ZNF644: variants seen among roughly 807,000 people sequenced by gnomAD.
ZNF644 encodes zinc finger protein 644.
In ZNF644, 20 loss-of-function variants were observed where a neutral mutation model predicts 108.0. The observed-to-expected ratio is 0.19, with a 90% confidence interval of 0.13 to 0.27. The LOEUF (loss-of-function observed/expected upper bound fraction) is 0.27. Among genes scored for constraint, ZNF644 ranks in the 10% least tolerant of loss-of-function variants. The pLI, the probability that ZNF644 is intolerant of heterozygous loss-of-function variation, is 1.00. For missense variants in ZNF644, 1,338 were observed against 1,548.9 expected (o/e 0.86, Z 2.29); for synonymous variants, 542 against 539.1 (o/e 1.01, Z -0.08).
At position 90,915,971 on chromosome 1, in the gene ZNF644, A is replaced by G. The variant is rs1648721778; in HGVS notation, c.*827T>C. The G allele has an allele frequency of 6.6e-6, 1 of 152,566 alleles. No individual in the cohort carries two copies. Among genetic ancestry groups the G allele is most frequent in the Non-Finnish European group, 1.5e-5 (1 of 68,000 alleles). The allele number at this position is 152,566 out of a possible 1,614,324, so 9.5% of individuals were successfully genotyped here. On this transcript the variant is annotated 3_prime_UTR_variant, in exon 6 of 6. Coordinates refer to ENST00000337393, the MANE Select transcript of ZNF644 (RefSeq NM_201269.3). ...TAGGTAAAACATTAAAAAGAAACAA[A>G]CCTGTTAACAAAAGAATGTCTTGCA...
At chr1:90,970,917 T>C (rs1655386650) in intron 2 of ZNF644, among the ~76,000 whole-genome samples, 2 of 150,366 alleles carry the variant, frequency 1.3e-5, no homozygotes, top group Admixed American at 1.3e-4. Flanking sequence ...GGAGAATCAC[T>C]TGAACCCGGG....
At chr1:90,930,802 C>T (rs934857488) in intron 4 of ZNF644, among the ~76,000 whole-genome samples, 1 of 152,142 alleles carries the variant, frequency 6.6e-6, no homozygotes. Context: ...TTCTTCTTTA[C>T]AAAAGATAAC....
At chr1:90,950,314 G>GGGGAGGGGAGGGGAC in intron 2 of ZNF644, among the ~76,000 whole-genome samples, 2 of 82,400 alleles carry the variant, frequency 2.4e-5, no homozygotes, top group Admixed American at 1.1e-4. Context: ...GGGGACAAAA[G>GGGGAGGGGAGGGGAC]AAAAGAAAAC....
In ZNF644 at chr1:90,938,239, T is replaced by G; in HGVS notation, c.3082+33A>C. The G allele has an allele frequency of 6.2e-7, 1 of 1,613,934 alleles. No individual in the cohort carries two copies. Among genetic ancestry groups the G allele is most frequent in the Non-Finnish European group, 8.5e-7 (1 of 1,179,820 alleles). On this transcript the variant is annotated intron_variant, in intron 3 of 5. Transcript: ENST00000337393. This position sits in a 1 kb window ranked among gnomAD's most constrained non-coding sequence, Gnocchi z 4.2. Reference sequence around the variant, plus strand: ...AATCTTCAGAATTAGAACACAGACCTATCAGCCCAAATCATCCCCATGGAG... The same window carrying G: ...AATCTTCAGAATTAGAACACAGACCGATCAGCCCAAATCATCCCCATGGAG...
In ZNF644 at chr1:91,007,219, C is replaced by CG. The variant is rs1557658445; in HGVS notation, c.-18+14770_-18+14771insC. Among the ~76,000 whole-genome samples, 5 of 114,248 alleles carry CG rather than the reference C, an allele frequency of 4.4e-5. 1 individual carries two copies. Among genetic ancestry groups the CG allele is most frequent in the Admixed American group, 9.1e-5 (1 of 11,028 alleles). The allele number at this position is 114,248 out of a possible 152,430, so 75.0% of individuals were successfully genotyped here. A position where few individuals can be genotyped will look rare whatever the true frequency, so the allele number is the denominator to read the frequency against. ...ATTCTTAATTTCTTCCATTTTCTCC[C>CG]ATTTTGTTTTTTTTTTTTTTTTTTT... On this transcript the variant is annotated intron_variant, in intron 1 of 5. Coordinates refer to ENST00000337393, the MANE Select transcript of ZNF644 (RefSeq NM_201269.3).
At chr1:90,936,182 T>A (rs1306956075) in intron 4 of ZNF644, among the ~76,000 whole-genome samples, 1 of 152,182 alleles carries the variant, frequency 6.6e-6, no homozygotes, top group Non-Finnish European at 1.5e-5. Context: ...ATCTTAGTCA[T>A]CACAGGAAAA....
At chr1:91,019,282 A>C (rs1365383843) in intron 1 of ZNF644, among the ~76,000 whole-genome samples, 1 of 152,238 alleles carries the variant, frequency 6.6e-6, no homozygotes, top group African/African-American at 2.4e-5. Flanking sequence ...ATCCAACCAA[A>C]ACACTATTAC....
At chr1:90,956,338 G>T (rs1304781920) in intron 2 of ZNF644, among the ~76,000 whole-genome samples, 2 of 152,156 alleles carry the variant, frequency 1.3e-5, no homozygotes, top group Non-Finnish European at 2.9e-5. Flanking sequence ...CTTGATGCAG[G>T]GTTGCTGCAA....
At chr1:90,988,298 T>C (rs1284964850) in intron 1 of ZNF644, among the ~76,000 whole-genome samples, 2 of 152,148 alleles carry the variant, frequency 1.3e-5, no homozygotes, top group Admixed American at 6.5e-5. Flanking sequence ...CCATGTACAA[T>C]AGTATCAAAA....
chr1:91,013,348 C>T (rs355657), intron 1 of ZNF644, among the ~76,000 whole-genome samples: 136,832 of 152,088 alleles, frequency 0.9, 61,903 homozygotes, highest in African/African-American at 0.98. Flanking sequence ...AGTGCTGGGA[C>T]TACAGGCATG....
intron 2 of ZNF644, among the ~76,000 whole-genome samples, chr1:90,969,814 TCTGTA>T (rs1557612452): frequency 6.6e-6 from 1 of 152,226 alleles, no homozygotes; most frequent in Non-Finnish European, 1.5e-5. Flanking sequence ...CCATATAGGT[TCTGTA>T]CTGAGGTTTT....
chr1:90,959,201 A>T (rs930542697), intron 2 of ZNF644, among the ~76,000 whole-genome samples: 1 of 152,196 alleles, frequency 6.6e-6, no homozygotes, highest in Non-Finnish European at 1.5e-5. Flanking sequence ...CAATACTACA[A>T]TAATACCACT....
At chr1:90,930,586 G>A (rs1650619367) in intron 4 of ZNF644, among the ~76,000 whole-genome samples, 1 of 152,098 alleles carries the variant, frequency 6.6e-6, no homozygotes, top group African/African-American at 2.4e-5. Context: ...CTATGATAGT[G>A]ACTTCTTAAG....
chr1:90,999,607 T>G (rs544274736), intron 1 of ZNF644, among the ~76,000 whole-genome samples: 2 of 152,228 alleles, frequency 1.3e-5, no homozygotes, highest in Middle Eastern at 3.4e-3. Flanking sequence ...AGACCATCGA[T>G]GCAAGGAAGA....
At chr1:90,998,225 T>A (rs969124642) in intron 1 of ZNF644, among the ~76,000 whole-genome samples, 2 of 152,138 alleles carry the variant, frequency 1.3e-5, no homozygotes, top group African/African-American at 2.4e-5. Flanking sequence ...GAGTCTGAGA[T>A]CTGAGAATGG....
At chr1:91,001,895 G>A (rs1658874637) in intron 1 of ZNF644, among the ~76,000 whole-genome samples, 1 of 152,070 alleles carries the variant, frequency 6.6e-6, no homozygotes, top group Non-Finnish European at 1.5e-5. Flanking sequence ...ACCAATAACA[G>A]AGAGCCAAAT....
At chr1:90,932,351 T>G (rs1650826796) in intron 4 of ZNF644, among the ~76,000 whole-genome samples, 2 of 152,144 alleles carry the variant, frequency 1.3e-5, no homozygotes, top group African/African-American at 4.8e-5. Context: ...TCTACATGAA[T>G]TAAGACTGCT....
At chr1:91,004,731 A>C (rs966632937) in intron 1 of ZNF644, among the ~76,000 whole-genome samples, 1 of 152,168 alleles carries the variant, frequency 6.6e-6, no homozygotes, top group African/African-American at 2.4e-5. Context: ...ATAGGAGCAA[A>C]ATGTTTGTAT....
chr1:90,961,476 A>G (rs550507451), intron 2 of ZNF644, among the ~76,000 whole-genome samples: 1 of 152,278 alleles, frequency 6.6e-6, no homozygotes. Context: ...TAATAATACT[A>G]ACACCTTATT....
Sources: gnomAD v4.1 joint callset for allele counts (sites outside exome capture counted in the v4.1 genomes callset) on GRCh38, gnomAD v4.1.1 for gene constraint, Gnocchi (gnomAD v3.1) non-coding constraint, MANE v1.5 for transcripts, NCBI Gene and HGNC (gene_info 2026-07-23, HGNC 2026-07-21) for gene names.